DACH1: variants seen among roughly 807,000 people sequenced by gnomAD.
The protein encoded by DACH1 is dachshund homolog 1.
In DACH1, 12 loss-of-function variants were observed where a neutral mutation model predicts 54.2. The ratio of observed to expected loss-of-function variants is 0.22; its 90% CI spans 0.14 to 0.36. DACH1 has a LOEUF of 0.36. DACH1 is among the 10% of genes least tolerant of loss of function. The probability of loss-of-function intolerance (pLI) is 1.00; values close to 1 mark genes in which losing one functional copy is unlikely to be tolerated. For missense variants in DACH1, 805 were observed against 929.8 expected (o/e 0.87, Z 1.75); for synonymous variants, 386 against 366.2 (o/e 1.05, Z -0.62).
chr13:71,572,403 A>G (rs1228601059), intron 4 of DACH1, among the ~76,000 whole-genome samples: 1 of 152,174 alleles, frequency 6.6e-6, no homozygotes, highest in East Asian at 1.9e-4. Context: ...TTTTTACAAC[A>G]TAATCCACAC....
chr13:71,708,130 A>G (rs1006981837), intron 1 of DACH1, among the ~76,000 whole-genome samples: 1 of 151,930 alleles, frequency 6.6e-6, no homozygotes, highest in Non-Finnish European at 1.5e-5. Flanking sequence ...AAAAAAAAAA[A>G]AGTAAAAACA....
intron 1 of DACH1, among the ~76,000 whole-genome samples, chr13:71,851,211 A>G (rs928202065): frequency 2.0e-5 from 3 of 152,206 alleles, no homozygotes; most frequent in African/African-American, 7.2e-5. Context: ...CTTAATAGAG[A>G]TTAATCAAAG....
At chr13:71,693,428 G>A (rs1311675400) in intron 1 of DACH1, among the ~76,000 whole-genome samples, 2 of 146,438 alleles carry the variant, frequency 1.4e-5, no homozygotes, top group Non-Finnish European at 3.0e-5. Context: ...TCAGCCTCCC[G>A]AGTAGCTGGG....
chr13:71,729,329 T>C (rs546058036), intron 1 of DACH1, among the ~76,000 whole-genome samples: 21 of 152,128 alleles, frequency 1.4e-4, no homozygotes, highest in African/African-American at 4.8e-4. Flanking sequence ...TCCACACATA[T>C]GAGAGAACAT....
At chr13:71,469,777 A>G (rs1876906529) in intron 10 of DACH1, among the ~76,000 whole-genome samples, 1 of 152,210 alleles carries the variant, frequency 6.6e-6, no homozygotes, top group Non-Finnish European at 1.5e-5. Context: ...AATGTTTAGC[A>G]AACAGAAAGA....
intron 1 of DACH1, among the ~76,000 whole-genome samples, chr13:71,820,382 A>G (rs879717110): frequency 2.6e-5 from 4 of 152,106 alleles, no homozygotes; most frequent in Non-Finnish European, 4.4e-5. Flanking sequence ...AGGAGATGTG[A>G]TTGCTCATGA....
intron 2 of DACH1, among the ~76,000 whole-genome samples, chr13:71,663,832 G>A (rs767000707): frequency 6.6e-6 from 1 of 151,688 alleles, no homozygotes; most frequent in South Asian, 2.1e-4. Flanking sequence ...AATTCACACG[G>A]CTGTCTCAAA....
chr13:71,626,993 C>T (rs1048724411), intron 3 of DACH1, among the ~76,000 whole-genome samples: 2 of 151,826 alleles, frequency 1.3e-5, no homozygotes, highest in Admixed American at 6.6e-5. Flanking sequence ...GGGAGAATGG[C>T]GACATGGCCA....
chr13:71,787,894 C>T (rs1886672473), intron 1 of DACH1, among the ~76,000 whole-genome samples: 1 of 152,106 alleles, frequency 6.6e-6, no homozygotes, highest in African/African-American at 2.4e-5. Context: ...AGGCTCATGT[C>T]AATAAACAAA....
At chr13:71,505,674 A>T (rs1015517262) in intron 6 of DACH1, among the ~76,000 whole-genome samples, 2 of 152,190 alleles carry the variant, frequency 1.3e-5, no homozygotes, top group African/African-American at 4.8e-5. Flanking sequence ...CAGAAGCTTT[A>T]GGCAAATAAA....
intron 1 of DACH1, among the ~76,000 whole-genome samples, chr13:71,737,533 GA>G (rs989133174): frequency 1.3e-5 from 2 of 152,196 alleles, no homozygotes; most frequent in Non-Finnish European, 2.9e-5. Flanking sequence ...AATCAATCTG[GA>G]AATAGTTTGG....
chr13:71,647,438 T>C (rs1259435164), intron 2 of DACH1, among the ~76,000 whole-genome samples: 1 of 152,202 alleles, frequency 6.6e-6, no homozygotes, highest in Admixed American at 6.5e-5. Context: ...AACCCTCATA[T>C]TAAAAAGTAT....
chr13:71,497,337 C>CTT (rs576473365), intron 6 of DACH1, among the ~76,000 whole-genome samples: 1 of 145,896 alleles, frequency 6.9e-6, no homozygotes, highest in Admixed American at 6.9e-5. Flanking sequence ...TGGTTTCTTC[C>CTT]TTTTTTTTTT....
At chr13:71,536,464 G>T (rs1882813479) in intron 6 of DACH1, among the ~76,000 whole-genome samples, 1 of 152,060 alleles carries the variant, frequency 6.6e-6, no homozygotes, top group Non-Finnish European at 1.5e-5. Context: ...GAGGCAGTGT[G>T]CTCTAAGAGA....
chr13:71,604,745 C>T (rs1417575946), intron 3 of DACH1, among the ~76,000 whole-genome samples: 3 of 151,850 alleles, frequency 2.0e-5, no homozygotes, highest in Non-Finnish European at 4.4e-5. Context: ...GGCAATGGAG[C>T]AATTTCTCAT....
chr13:71,695,693 C>T (rs934215164), intron 1 of DACH1, among the ~76,000 whole-genome samples: 1 of 152,180 alleles, frequency 6.6e-6, no homozygotes, highest in African/African-American at 2.4e-5. Flanking sequence ...TCGGTAAATT[C>T]ACTATGTTTC....
intron 1 of DACH1, among the ~76,000 whole-genome samples, chr13:71,787,440 T>C (rs1886642963): frequency 6.6e-6 from 1 of 152,168 alleles, no homozygotes; most frequent in South Asian, 2.1e-4. Context: ...TTCCTTCTCT[T>C]CCCTTCCTAG....
intron 7 of DACH1, among the ~76,000 whole-genome samples, chr13:71,482,493 T>C (rs1171990629): frequency 6.6e-6 from 1 of 152,190 alleles, no homozygotes; most frequent in Non-Finnish European, 1.5e-5. Flanking sequence ...AATAATGTGT[T>C]GCTTCTAATG....
chr13:71,658,709 C>T (rs998690893), intron 2 of DACH1, among the ~76,000 whole-genome samples: 1 of 152,114 alleles, frequency 6.6e-6, no homozygotes, highest in Non-Finnish European at 1.5e-5. Context: ...AAACCTACAA[C>T]ATTGTATTCC....
Sources: allele counts gnomAD v4.1 joint callset (sites outside exome capture counted in the v4.1 genomes callset), GRCh38; gene constraint gnomAD v4.1.1; transcripts MANE v1.5; gene names NCBI Gene and HGNC (gene_info 2026-07-23, HGNC 2026-07-21).